TAFA2: variants seen among roughly 807,000 people sequenced by gnomAD.
TAFA2 encodes TAFA chemokine like family member 2.
Under a neutral mutation model 18.8 loss-of-function variants are expected in TAFA2, and 7 were observed. That is an observed-to-expected ratio of 0.37 (90% CI 0.21 to 0.70). The LOEUF (loss-of-function observed/expected upper bound fraction) is 0.70, where lower values mean the gene tolerates loss of function less well. Among genes scored for constraint, TAFA2 ranks in the 30% least tolerant of loss-of-function variants. The pLI, the probability that TAFA2 is intolerant of heterozygous loss-of-function variation, is 0.53. For synonymous variants in TAFA2, 60 were observed against 54.2 expected (o/e 1.11, Z -0.47); for missense variants, 122 against 158.1 (o/e 0.77, Z 1.23).
At chr12:61,910,180 C>T (rs1333121915) in intron 1 of TAFA2, among the ~76,000 whole-genome samples, 1 of 151,680 alleles carries the variant, frequency 6.6e-6, no homozygotes, top group Non-Finnish European at 1.5e-5. Flanking sequence ...CTCCCTCTTT[C>T]AGCTACTCAG....
chr12:62,121,371 G>C (rs1422565432), intron 1 of TAFA2, among the ~76,000 whole-genome samples: 2 of 152,118 alleles, frequency 1.3e-5, no homozygotes, highest in Non-Finnish European at 2.9e-5. Context: ...CTCAGATTAA[G>C]TCCAAAGTCC....
At chr12:62,108,543 A>G (rs1869569669) in intron 1 of TAFA2, among the ~76,000 whole-genome samples, 1 of 152,156 alleles carries the variant, frequency 6.6e-6, no homozygotes, top group African/African-American at 2.4e-5. Flanking sequence ...CTGGTTCTAG[A>G]TCCTTGAGGA....
chr12:61,857,703 C>CTCCT (rs1489086892), intron 2 of TAFA2, among the ~76,000 whole-genome samples: 4 of 152,096 alleles, frequency 2.6e-5, no homozygotes, highest in African/African-American at 9.7e-5. Context: ...CTACTCAGTC[C>CTCCT]TCCTTCCTTC....
At chr12:62,005,765 C>T (rs1445759020) in intron 1 of TAFA2, among the ~76,000 whole-genome samples, 3 of 152,048 alleles carry the variant, frequency 2.0e-5, no homozygotes, top group Non-Finnish European at 4.4e-5. Flanking sequence ...ATGGATTTTA[C>T]AGATAAGCAA....
rs553383033 is a variant in TAFA2 at position 61,973,006 on chromosome 12, A to T, written c.-1-105580T>A. 6.4e-4 allele frequency among the ~76,000 whole-genome samples: 97 copies of T among 151,812 alleles called. 2 individuals are homozygous for T. The South Asian group carries it at 0.019, about 31-fold the overall frequency. On this transcript the variant is annotated intron_variant, in intron 1 of 4. Coordinates refer to ENST00000416284, the MANE Select transcript of TAFA2 (RefSeq NM_178539.5). ...AATGCTAGTACCAGAAAAATAGAAC[A>T]CTTACTATATTAGCATCCCAGAAAA...
At chr12:62,132,239 C>T (rs1448536342) in intron 1 of TAFA2, among the ~76,000 whole-genome samples, 1 of 151,554 alleles carries the variant, frequency 6.6e-6, no homozygotes, top group African/African-American at 2.4e-5. Context: ...TCAGAAAGCA[C>T]TTAACATGAA....
chr12:62,009,302 T>A (rs980890), intron 1 of TAFA2, among the ~76,000 whole-genome samples: 51,664 of 151,982 alleles, frequency 0.34, 9,003 homozygotes, highest in East Asian at 0.45. Flanking sequence ...ATCCTTCTTA[T>A]ATTGGTTCCA....
At chr12:62,011,479 G>C (rs1246533943) in intron 1 of TAFA2, among the ~76,000 whole-genome samples, 1 of 152,124 alleles carries the variant, frequency 6.6e-6, no homozygotes, top group Non-Finnish European at 1.5e-5. Flanking sequence ...AACATGTGCT[G>C]TGTCAACTCA....
At chr12:61,746,036 C>A (rs528601392) in intron 4 of TAFA2, among the ~76,000 whole-genome samples, 1 of 151,538 alleles carries the variant, frequency 6.6e-6, no homozygotes, top group Non-Finnish European at 1.5e-5. Flanking sequence ...ATGATGGCTA[C>A]CTTGGTAATA....
chr12:61,718,305 C>G (rs1869749738), intron 4 of TAFA2, among the ~76,000 whole-genome samples: 1 of 152,198 alleles, frequency 6.6e-6, no homozygotes, highest in Admixed American at 6.5e-5. Flanking sequence ...CATTCATCCA[C>G]TCAGAAGCAG....
chr12:61,957,020 A>C (rs1277397722), intron 1 of TAFA2, among the ~76,000 whole-genome samples: 1 of 152,122 alleles, frequency 6.6e-6, no homozygotes, highest in African/African-American at 2.4e-5. Flanking sequence ...CTCCTACAAA[A>C]TATGTAGGTA....
At chr12:62,170,429 T>C (rs1011924034) in intron 1 of TAFA2, among the ~76,000 whole-genome samples, 10 of 152,196 alleles carry the variant, frequency 6.6e-5, no homozygotes, top group Non-Finnish European at 1.0e-4. Context: ...AATACTAGTT[T>C]TGAAACTTGT....
chr12:61,737,917 A>C (rs946138340), intron 4 of TAFA2, among the ~76,000 whole-genome samples: 3 of 152,020 alleles, frequency 2.0e-5, no homozygotes, highest in African/African-American at 7.2e-5. Flanking sequence ...ATTATACTAG[A>C]GTCAAGACAA....
chr12:61,792,982 A>T (rs1871045669), intron 2 of TAFA2, among the ~76,000 whole-genome samples: 1 of 151,632 alleles, frequency 6.6e-6, no homozygotes, highest in Non-Finnish European at 1.5e-5. Context: ...CAGAACATTT[A>T]CCAAACTATA....
chr12:62,122,907 TC>T (rs1870262733), intron 1 of TAFA2, among the ~76,000 whole-genome samples: 1 of 152,138 alleles, frequency 6.6e-6, no homozygotes, highest in African/African-American at 2.4e-5. Flanking sequence ...CCATGGCCTT[TC>T]TTATGTTGCT....
chr12:61,922,718 C>T (rs1051466537), intron 1 of TAFA2, among the ~76,000 whole-genome samples: 5 of 152,132 alleles, frequency 3.3e-5, no homozygotes, highest in African/African-American at 1.2e-4. Flanking sequence ...TTTCTTACCC[C>T]AGTGGCACCT....
At chr12:61,790,400 C>T (rs1253264758) in intron 2 of TAFA2, among the ~76,000 whole-genome samples, 1 of 151,756 alleles carries the variant, frequency 6.6e-6, no homozygotes, top group Admixed American at 6.6e-5. Context: ...TAAAACTTAT[C>T]CAAATCAGAA....
intron 1 of TAFA2, among the ~76,000 whole-genome samples, chr12:62,110,787 T>C (rs1869694398): frequency 2.6e-5 from 4 of 152,122 alleles, no homozygotes; most frequent in Non-Finnish European, 5.9e-5. Context: ...TAGAGGTGTT[T>C]ATAGTATTCT....
intron 4 of TAFA2, among the ~76,000 whole-genome samples, chr12:61,717,562 C>T (rs149998631): frequency 1.1e-4 from 17 of 152,280 alleles, no homozygotes; most frequent in African/African-American, 3.4e-4. Flanking sequence ...CTAGGATCAA[C>T]ATTTCCACTA....
Sources: gnomAD v4.1 joint callset for allele counts (sites outside exome capture counted in the v4.1 genomes callset) on GRCh38, gnomAD v4.1.1 for gene constraint, MANE v1.5 for transcripts, NCBI Gene and HGNC (gene_info 2026-07-23, HGNC 2026-07-21) for gene names.